Variants in TENM4 observed in about 807,000 individuals in gnomAD.
TENM4 encodes teneurin-4.
TENM4 carries 82 observed loss-of-function variants against 243.3 expected under a neutral mutation model. That is an observed-to-expected ratio of 0.34 (90% CI 0.28 to 0.40). The LOEUF (loss-of-function observed/expected upper bound fraction) is 0.40, where lower values mean the gene tolerates loss of function less well. Ranked by LOEUF, TENM4 falls within the 10% of genes least tolerant of loss-of-function variation. The pLI is 1.00. For synonymous variants in TENM4, 1,412 were observed against 1,456.3 expected, an observed-to-expected ratio of 0.97 and a Z score of 0.69; for missense variants, 3,138 against 3,673.3, an observed-to-expected ratio of 0.85 and a Z score of 3.77.
chr11:78,886,652 G>C (rs1287624021), intron 9 of TENM4, among the ~76,000 whole-genome samples: 1 of 152,210 alleles, frequency 6.6e-6, no homozygotes, highest in African/African-American at 2.4e-5. Context: ...GCAGGGCCTG[G>C]AATCCAGGGC....
intron 1 of TENM4, among the ~76,000 whole-genome samples, chr11:79,436,731 G>A (rs559512830): frequency 6.6e-6 from 1 of 152,260 alleles, no homozygotes; most frequent in South Asian, 2.1e-4. Flanking sequence ...TGGCTGATCC[G>A]CTTACCGCAC....
At chr11:78,805,216 C>T in intron 15 of TENM4, 76 bp downstream of exon 15, 1 of 971,902 alleles carries the variant, frequency 1.0e-6, no homozygotes. Context: ...TGATTGGGAA[C>T]AGTCACGTGA....
In TENM4 at chr11:79,288,165, A is replaced by G. The variant is rs1037447455; in HGVS notation, c.-265+9323T>C. Among the ~76,000 whole-genome samples the G allele has an allele frequency of 2.6e-5, 4 of 152,336 alleles. No individual in the cohort carries two copies. In the East Asian group the frequency reaches 7.7e-4, roughly 29 times the overall value. On this transcript the variant is annotated intron_variant, in intron 2 of 33. Transcript: ENST00000278550. ...ACTGCTAGGCTTTTGGCACCTGGCC[A>G]GCTGGACTGGCCACAGTTCTCATTT...
At chr11:79,157,389 T>A (rs1862644753) in intron 3 of TENM4, among the ~76,000 whole-genome samples, 1 of 152,124 alleles carries the variant, frequency 6.6e-6, no homozygotes, top group Non-Finnish European at 1.5e-5. Context: ...TTCTTTTCCT[T>A]CTCTTCTGTT....
At chr11:78,886,952 G>A (rs537575699) in intron 9 of TENM4, among the ~76,000 whole-genome samples, 24 of 152,150 alleles carry the variant, frequency 1.6e-4, no homozygotes, top group Non-Finnish European at 2.8e-4. Flanking sequence ...TAATTGAAGC[G>A]ATCAGCTTTT....
intron 6 of TENM4, among the ~76,000 whole-genome samples, chr11:78,934,956 T>C (rs1005240890): frequency 3.3e-5 from 5 of 151,430 alleles, no homozygotes; most frequent in African/African-American, 7.3e-5. Flanking sequence ...TTGGTTCTAC[T>C]TCATTATTTC....
intron 9 of TENM4, among the ~76,000 whole-genome samples, chr11:78,871,158 T>C (rs1859117165): frequency 1.3e-5 from 2 of 152,184 alleles, no homozygotes; most frequent in African/African-American, 4.8e-5. Flanking sequence ...GAGACCTGTG[T>C]TCCTTCTCTG....
At chr11:79,329,546 A>G (rs1857028087) in intron 1 of TENM4, among the ~76,000 whole-genome samples, 1 of 152,218 alleles carries the variant, frequency 6.6e-6, no homozygotes, top group Admixed American at 6.5e-5. Flanking sequence ...GGACTTGTCT[A>G]TGCTGGGGGT....
At chr11:79,318,473 A>G (rs554671235) in intron 1 of TENM4, among the ~76,000 whole-genome samples, 38 of 152,090 alleles carry the variant, frequency 2.5e-4, no homozygotes, top group East Asian at 7.7e-4. Context: ...AGAAGAGGGG[A>G]AAAAAAAGGC....
intron 1 of TENM4, among the ~76,000 whole-genome samples, chr11:79,377,632 CT>C (rs1857918149): frequency 6.6e-6 from 1 of 152,290 alleles, no homozygotes; most frequent in South Asian, 2.1e-4. Context: ...TCTGTTCTCC[CT>C]TTTTTGTTAT....
chr11:79,225,223 C>G (rs1485481282), intron 2 of TENM4, among the ~76,000 whole-genome samples: 1 of 152,130 alleles, frequency 6.6e-6, no homozygotes, highest in Non-Finnish European at 1.5e-5. Flanking sequence ...CTAGGAAATC[C>G]ACAGAGTGAG....
intron 1 of TENM4, among the ~76,000 whole-genome samples, chr11:79,325,629 G>A (rs142334603): frequency 6.6e-6 from 1 of 152,290 alleles, no homozygotes; most frequent in African/African-American, 2.4e-5. Flanking sequence ...ACTCGCTCAG[G>A]AAGGCATTTA....
intron 4 of TENM4, among the ~76,000 whole-genome samples, chr11:79,112,817 C>T (rs1300132606): frequency 6.6e-6 from 1 of 152,152 alleles, no homozygotes; most frequent in African/African-American, 2.4e-5. Flanking sequence ...CAAGGCAGAG[C>T]CCCACCTCCT....
At position 79,104,062 on chromosome 11, in the gene TENM4, C is replaced by T. The variant is rs572973985; in HGVS notation, c.-65-34053G>A. Reference sequence around the variant, plus strand: ...ATTTGGGTCTCTCTTCCCTATTTTTCTCAATTAAATGCCCCTCTAAAGAGT... The same window carrying T: ...ATTTGGGTCTCTCTTCCCTATTTTTTTCAATTAAATGCCCCTCTAAAGAGT... On this transcript the variant is annotated intron_variant, in intron 4 of 33. Transcript: ENST00000278550. 9.9e-5 allele frequency among the ~76,000 whole-genome samples: 15 copies of T among 152,244 alleles called. No individual in the cohort carries two copies. The South Asian group carries it at 1.9e-3, about 19-fold the overall frequency.
At chr11:78,718,429 A>G (rs1212930045) in intron 25 of TENM4, among the ~76,000 whole-genome samples, 9 of 152,160 alleles carry the variant, frequency 5.9e-5, no homozygotes, top group African/African-American at 2.4e-5. Context: ...CCAAACCACA[A>G]ACTCTTTCAG....
chr11:78,755,467 C>T (rs1289742816), intron 19 of TENM4, among the ~76,000 whole-genome samples: 1 of 152,152 alleles, frequency 6.6e-6, no homozygotes, highest in African/African-American at 2.4e-5. Context: ...CTGCGCCCAG[C>T]CTCCTCGGGC....
intron 1 of TENM4, among the ~76,000 whole-genome samples, chr11:79,432,378 T>C (rs1246363519): frequency 1.3e-5 from 2 of 152,228 alleles, no homozygotes; most frequent in African/African-American, 4.8e-5. Context: ...CTCAGAATAA[T>C]TGCACATTAA....
At chr11:79,012,353 C>T (rs1459578890) in intron 6 of TENM4, among the ~76,000 whole-genome samples, 1 of 152,160 alleles carries the variant, frequency 6.6e-6, no homozygotes, top group Non-Finnish European at 1.5e-5. Flanking sequence ...CCAGACCATC[C>T]TATCTGCTCT....
At chr11:79,409,123 C>T (rs1017968944) in intron 1 of TENM4, among the ~76,000 whole-genome samples, 5 of 148,308 alleles carry the variant, frequency 3.4e-5, no homozygotes, top group East Asian at 4.0e-4. Flanking sequence ...CGTGCGTGCA[C>T]GCGCACGCAC....
Sources: allele counts gnomAD v4.1 joint callset (sites outside exome capture counted in the v4.1 genomes callset), GRCh38; gene constraint gnomAD v4.1.1; transcripts MANE v1.5; gene names NCBI Gene and HGNC (gene_info 2026-07-23, HGNC 2026-07-21).